VWC2: variants seen among roughly 807,000 people sequenced by gnomAD.
VWC2 encodes von Willebrand factor C domain containing 2, also known as brorin.
A neutral mutation model predicts 29.8 loss-of-function variants in VWC2; 14 were observed. That is an observed-to-expected ratio of 0.47 (90% CI 0.31 to 0.74). The LOEUF (loss-of-function observed/expected upper bound fraction) is 0.74, where lower values mean the gene tolerates loss of function less well. VWC2 is among the 30% of genes least tolerant of loss of function. The pLI, the probability that VWC2 is intolerant of heterozygous loss-of-function variation, is 0.05. For missense variants in VWC2, 457 were observed against 459.8 expected (o/e 0.99, Z 0.05); for synonymous variants, 213 against 199.0 (o/e 1.07, Z -0.59).
chr7:49,792,567 C>A (rs746215940), intron 2 of VWC2, among the ~76,000 whole-genome samples: 2 of 152,186 alleles, frequency 1.3e-5, no homozygotes, highest in Non-Finnish European at 2.9e-5. Flanking sequence ...ATGGCGCAGT[C>A]CAGTTCTAGA....
intron 2 of VWC2, among the ~76,000 whole-genome samples, chr7:49,802,183 G>A (rs1788753200): frequency 6.6e-6 from 1 of 152,240 alleles, no homozygotes; most frequent in Non-Finnish European, 1.5e-5. Flanking sequence ...CTGGACAGGA[G>A]AGGGAACATC....
intron 2 of VWC2, among the ~76,000 whole-genome samples, chr7:49,791,252 T>C (rs1458095938): frequency 6.6e-6 from 1 of 152,194 alleles, no homozygotes; most frequent in Non-Finnish European, 1.5e-5. Flanking sequence ...TTTCATAAAT[T>C]GGGCAGCTAG....
chr7:49,815,593 CTACCTTATTGGCAAAA>C (rs1043924061), intron 3 of VWC2, among the ~76,000 whole-genome samples: 3 of 152,180 alleles, frequency 2.0e-5, no homozygotes, highest in African/African-American at 7.2e-5. Flanking sequence ...TTATACTTCT[CTACCTTATTGGCAAAA>C]TAATTTTGAA....
intron 3 of VWC2, among the ~76,000 whole-genome samples, chr7:49,807,694 C>T (rs961220157): frequency 1.3e-5 from 2 of 152,108 alleles, no homozygotes; most frequent in African/African-American, 4.8e-5. Flanking sequence ...AAACATAGAA[C>T]AGCTTTATCA....
chr7:49,878,272 C>T (rs1791527588), intron 3 of VWC2, among the ~76,000 whole-genome samples: 1 of 152,122 alleles, frequency 6.6e-6, no homozygotes, highest in Non-Finnish European at 1.5e-5. Flanking sequence ...TGGTTTTCTG[C>T]AGACAGCAGT....
intron 2 of VWC2, among the ~76,000 whole-genome samples, chr7:49,785,874 T>C (rs528961923): frequency 1.3e-5 from 2 of 152,094 alleles, no homozygotes; most frequent in African/African-American, 4.8e-5. Context: ...GTCTAAAGGA[T>C]GAAATTTAGG....
intron 3 of VWC2, among the ~76,000 whole-genome samples, chr7:49,852,844 C>T (rs937514801): frequency 3.3e-5 from 5 of 152,244 alleles, no homozygotes; most frequent in African/African-American, 1.2e-4. Flanking sequence ...CATCTAGTGA[C>T]TGGCTCCTTG....
intron 2 of VWC2, among the ~76,000 whole-genome samples, chr7:49,785,009 C>T (rs1475772750): frequency 6.6e-6 from 1 of 152,078 alleles, no homozygotes; most frequent in Non-Finnish European, 1.5e-5. Context: ...TACATATATA[C>T]ATATAAAGAA....
rs1477783644 is a variant in VWC2, at chr7:49,912,835, T to C, written c.*650T>C. On this transcript the variant is annotated 3_prime_UTR_variant, in exon 4 of 4. Transcript: ENST00000340652. ...TCACTAACTCACACTTTCTCAGTTC[T>C]TTCCCCTAAGCTCCTGTATTGTACA... The C allele has an allele frequency of 6.6e-6, 1 of 152,270 alleles. No homozygotes were observed. The highest frequency in any genetic ancestry group is 1.9e-4 in the East Asian group (1 of 5,200). 9.4% of individuals were successfully genotyped at this position (152,270 alleles called of 1,614,324 possible). A position where few individuals can be genotyped will look rare whatever the true frequency, so the allele number is the denominator to read the frequency against.
intron 2 of VWC2, among the ~76,000 whole-genome samples, chr7:49,786,924 A>T (rs1788313966): frequency 6.6e-6 from 1 of 152,102 alleles, no homozygotes; most frequent in African/African-American, 2.4e-5. Flanking sequence ...CATTCTGTAG[A>T]CTGTCTGTTT....
chr7:49,816,662 A>G (rs1162437331), intron 3 of VWC2, among the ~76,000 whole-genome samples: 3 of 152,200 alleles, frequency 2.0e-5, no homozygotes, highest in East Asian at 3.8e-4. Flanking sequence ...TAAGAAGGGG[A>G]AAAACAGGAA....
chr7:49,873,677 C>T (rs1302396815), intron 3 of VWC2, among the ~76,000 whole-genome samples: 6 of 152,034 alleles, frequency 3.9e-5, no homozygotes, highest in African/African-American at 1.2e-4. Flanking sequence ...TGAATTTTTG[C>T]TTGTGGGTTG....
intron 3 of VWC2, among the ~76,000 whole-genome samples, chr7:49,893,808 T>C (rs1261644313): frequency 2.0e-5 from 3 of 152,192 alleles, no homozygotes; most frequent in Non-Finnish European, 4.4e-5. Flanking sequence ...TTACAATAAG[T>C]TACAGAAAAA....
At chr7:49,890,357 A>G (rs1026362764) in intron 3 of VWC2, among the ~76,000 whole-genome samples, 3 of 152,254 alleles carry the variant, frequency 2.0e-5, no homozygotes, top group South Asian at 4.1e-4. Context: ...GGAAGACAAA[A>G]GAACTTGTTC....
chr7:49,813,938 C>T (rs940865074), intron 3 of VWC2, among the ~76,000 whole-genome samples: 1 of 152,054 alleles, frequency 6.6e-6, no homozygotes, highest in Non-Finnish European at 1.5e-5. Flanking sequence ...GGTGCTGAAG[C>T]CTGGAGGAAA....
chr7:49,800,349 G>A (rs1377915577), intron 2 of VWC2, among the ~76,000 whole-genome samples: 1 of 152,160 alleles, frequency 6.6e-6, no homozygotes, highest in Non-Finnish European at 1.5e-5. Context: ...GTATTCCAGG[G>A]CCCTCCCCGG....
intron 2 of VWC2, among the ~76,000 whole-genome samples, chr7:49,784,374 G>T (rs1788248618): frequency 6.6e-6 from 1 of 152,214 alleles, no homozygotes; most frequent in African/African-American, 2.4e-5. Flanking sequence ...GAAAATAAGA[G>T]AAATTAATTT....
intron 3 of VWC2, among the ~76,000 whole-genome samples, chr7:49,867,683 C>G (rs1358743918): frequency 6.6e-6 from 1 of 152,208 alleles, no homozygotes; most frequent in Non-Finnish European, 1.5e-5. Flanking sequence ...GAGGAGAATT[C>G]TGGACCCAAG....
At chr7:49,780,539 T>C (rs1251252551) in intron 2 of VWC2, among the ~76,000 whole-genome samples, 1 of 152,240 alleles carries the variant, frequency 6.6e-6, no homozygotes, top group Non-Finnish European at 1.5e-5. Flanking sequence ...TTTCATGTTT[T>C]ATAAAACCTA....
Sources: allele counts gnomAD v4.1 joint callset (sites outside exome capture counted in the v4.1 genomes callset), GRCh38; gene constraint gnomAD v4.1.1; transcripts MANE v1.5; gene names NCBI Gene and HGNC (gene_info 2026-07-23, HGNC 2026-07-21).